Variants in LRBA observed in about 807,000 individuals in gnomAD.
LRBA encodes the protein LPS responsive beige-like anchor protein.
In LRBA, 176 loss-of-function variants were observed where a neutral mutation model predicts 330.0. The observed-to-expected ratio is 0.53, with a 90% confidence interval of 0.47 to 0.60. The LOEUF (loss-of-function observed/expected upper bound fraction) is 0.60. Ranked by LOEUF, LRBA falls within the 20% of genes least tolerant of loss-of-function variation. LRBA has a pLI of 0.00. For synonymous variants in LRBA, 1,230 were observed against 1,193.0 expected, an observed-to-expected ratio of 1.03 and a Z score of -0.64; for missense variants, 3,259 against 3,444.8, an observed-to-expected ratio of 0.95 and a Z score of 1.35.
At chr4:150,288,046 C>T (rs969577966) in intron 53 of LRBA, among the ~76,000 whole-genome samples, 26 of 149,962 alleles carry the variant, frequency 1.7e-4, no homozygotes, top group African/African-American at 6.1e-4. Flanking sequence ...GGCTGGAATG[C>T]GGTGGTGCGA....
intron 40 of LRBA, among the ~76,000 whole-genome samples, chr4:150,571,799 T>G (rs1205834284): frequency 6.6e-6 from 1 of 151,538 alleles, no homozygotes; most frequent in Non-Finnish European, 1.5e-5. Context: ...AAACAAGATA[T>G]CATAGCAATA....
At chr4:150,544,141 C>A (rs988153120) in intron 40 of LRBA, among the ~76,000 whole-genome samples, 3 of 142,062 alleles carry the variant, frequency 2.1e-5, no homozygotes, top group Non-Finnish European at 4.6e-5. Context: ...TTTTTTTTTT[C>A]TTTCAAGACA....
chr4:150,946,989 C>A (rs1368437541), intron 2 of LRBA, among the ~76,000 whole-genome samples: 1 of 151,008 alleles, frequency 6.6e-6, no homozygotes, highest in East Asian at 1.9e-4. Flanking sequence ...GGAAATGGAC[C>A]AATTCCTCAA....
At chr4:150,393,098 A>G (rs1744230797) in intron 47 of LRBA, among the ~76,000 whole-genome samples, 2 of 152,146 alleles carry the variant, frequency 1.3e-5, no homozygotes, top group Admixed American at 6.5e-5. Flanking sequence ...TCTCTTAAGT[A>G]TCCTCATTCT....
intron 40 of LRBA, among the ~76,000 whole-genome samples, chr4:150,577,413 A>AT (rs540513367): frequency 0.011 from 1,328 of 119,090 alleles, 11 homozygotes; most frequent in Admixed American, 0.017. Flanking sequence ...ATCAATGTTC[A>AT]TTTTTTTAAA....
At chr4:150,699,856 C>T (rs1202956048) in intron 36 of LRBA, among the ~76,000 whole-genome samples, 2 of 152,036 alleles carry the variant, frequency 1.3e-5, no homozygotes, top group Non-Finnish European at 2.9e-5. Flanking sequence ...GTATTCAAAC[C>T]CTAGCAATTT....
At chr4:150,963,641 C>T (rs1018768624) in intron 2 of LRBA, among the ~76,000 whole-genome samples, 6 of 149,112 alleles carry the variant, frequency 4.0e-5, no homozygotes, top group Non-Finnish European at 5.9e-5. Flanking sequence ...TCTGCCTGGC[C>T]GCCCATCGTC....
At chr4:151,013,985 C>G (rs962668908) in intron 2 of LRBA, 3 of 153,744 alleles carry the variant, frequency 2.0e-5, no homozygotes, top group Non-Finnish European at 4.4e-5. Flanking sequence ...ATCAGCACTA[C>G]AAACAAATTT....
chr4:150,363,363 GA>G (rs1738993026), intron 47 of LRBA, among the ~76,000 whole-genome samples: 2 of 151,982 alleles, frequency 1.3e-5, no homozygotes, highest in Non-Finnish European at 1.5e-5. Flanking sequence ...TTTGGTCCCA[GA>G]ATATATATTT....
At chr4:150,366,696 C>T (rs948652552) in intron 47 of LRBA, among the ~76,000 whole-genome samples, 1 of 152,136 alleles carries the variant, frequency 6.6e-6, no homozygotes, top group Non-Finnish European at 1.5e-5. Context: ...AACGATGCCA[C>T]CCCATGACAG....
At chr4:150,343,794 A>G (rs1017329542) in intron 48 of LRBA, among the ~76,000 whole-genome samples, 5 of 152,312 alleles carry the variant, frequency 3.3e-5, no homozygotes, top group African/African-American at 1.2e-4. Context: ...TGATGTTGAA[A>G]ACACAGAAAA....
chr4:150,351,230 CTT>C (rs748571348), intron 47 of LRBA, among the ~76,000 whole-genome samples: 9 of 152,150 alleles, frequency 5.9e-5, no homozygotes, highest in Admixed American at 2.0e-4. Flanking sequence ...ATACTAAAGA[CTT>C]TTAAAAACTA....
intron 37 of LRBA, among the ~76,000 whole-genome samples, chr4:150,672,807 T>C (rs899186279): frequency 5.3e-5 from 8 of 152,216 alleles, no homozygotes; most frequent in African/African-American, 1.9e-4. Flanking sequence ...TATTCTACTG[T>C]TATATACTCA....
rs568645579 is a variant in LRBA, at chr4:150,290,702, G to T, written c.8018-4668C>A. On this transcript the variant is annotated intron_variant, in intron 53 of 56. Transcript: ENST00000651943. Reference sequence around the variant, plus strand: ...CTACTGATGCAAATCCTAACCAAAGGCTGAAAAGGATACCCAGTGCATCTT... The same window carrying T: ...CTACTGATGCAAATCCTAACCAAAGTCTGAAAAGGATACCCAGTGCATCTT... Among the ~76,000 whole-genome samples, 202 of 152,164 alleles carry T rather than the reference G, an allele frequency of 1.3e-3. 2 individuals are homozygous for T. The highest frequency in any genetic ancestry group is 4.7e-3 in the African/African-American group (193 of 41,504).
intron 34 of LRBA, among the ~76,000 whole-genome samples, chr4:150,789,013 G>A (rs1739507853): frequency 1.3e-5 from 2 of 152,166 alleles, no homozygotes; most frequent in Admixed American, 6.5e-5. Context: ...GGCAGAGATT[G>A]CAGTGAGCCG....
chr4:150,966,788 C>T (rs544072192), intron 2 of LRBA, among the ~76,000 whole-genome samples: 105 of 152,146 alleles, frequency 6.9e-4, no homozygotes, highest in Non-Finnish European at 1.0e-3. Context: ...GCCTGTATTT[C>T]TCAAAACATC....
At chr4:150,591,719 T>C (rs972800896) in intron 38 of LRBA, among the ~76,000 whole-genome samples, 1 of 152,058 alleles carries the variant, frequency 6.6e-6, no homozygotes, top group Non-Finnish European at 1.5e-5. Flanking sequence ...ACTCAGGCAC[T>C]ATGACAAGGC....
intron 34 of LRBA, 67 bp from the exon 35 acceptor site, chr4:150,761,914 AAT>A: frequency 2.5e-6 from 2 of 792,178 alleles, no homozygotes; most frequent in Non-Finnish European, 4.2e-6. Context: ...TTAAAACAAT[AAT>A]AATGAAAAAT....
intron 19 of LRBA, 31 bp from the exon 20 acceptor site, chr4:150,870,637 C>A (rs908315175): frequency 2.0e-6 from 2 of 1,000,862 alleles, no homozygotes; most frequent in African/African-American, 1.6e-5. Context: ...ATTACATTAG[C>A]AAATCACTGG....
Sources: allele counts gnomAD v4.1 joint callset (sites outside exome capture counted in the v4.1 genomes callset), GRCh38; gene constraint gnomAD v4.1.1; transcripts MANE v1.5; gene names NCBI Gene and HGNC (gene_info 2026-07-23, HGNC 2026-07-21).